Variants in CNNM2 observed in about 807,000 individuals in gnomAD.
CNNM2 encodes metal transporter CNNM2.
Under a neutral mutation model 66.9 loss-of-function variants are expected in CNNM2, and 12 were observed. That is an observed-to-expected ratio of 0.18 (90% CI 0.11 to 0.29). The LOEUF (loss-of-function observed/expected upper bound fraction) is 0.29. Ranked by LOEUF, CNNM2 falls within the 10% of genes least tolerant of loss-of-function variation. CNNM2 has a pLI of 1.00. For synonymous variants in CNNM2, 557 were observed against 501.8 expected, an observed-to-expected ratio of 1.11 and a Z score of -1.47; for missense variants, 705 against 1,167.7, an observed-to-expected ratio of 0.60 and a Z score of 5.77.
At chr10:102,940,723 TTTATTA>T (rs1846402835) in intron 1 of CNNM2, among the ~76,000 whole-genome samples, 2 of 150,502 alleles carry the variant, frequency 1.3e-5, no homozygotes, top group African/African-American at 4.9e-5. Context: ...TGGTCCTTAT[TTTATTA>T]TTATTTTTTT....
At chr10:102,989,813 A>G (rs2063864273) in intron 1 of CNNM2, among the ~76,000 whole-genome samples, 1 of 152,052 alleles carries the variant, frequency 6.6e-6, no homozygotes, top group Admixed American at 6.6e-5. Flanking sequence ...AAAATAAAAT[A>G]CAATTTGGGG....
At chr10:102,976,611 A>ATTTTTTTTTTTTTTTTTTTTTTTTTTT (rs66498944) in intron 1 of CNNM2, among the ~76,000 whole-genome samples, 10 of 59,440 alleles carry the variant, frequency 1.7e-4, no homozygotes, top group Admixed American at 2.1e-4. Flanking sequence ...CGCCCAGGTA[A>ATTTTTTTTTTTTTTTTTTTTTTTTTTT]TTTTTTTTTT....
In CNNM2 at chr10:103,081,234, T is replaced by C. The variant is rs1382987721; in HGVS notation, c.*4054T>C. 6.6e-6 allele frequency: 1 copy of C among 152,070 alleles called. No individual in the cohort carries two copies. Among genetic ancestry groups the C allele is most frequent in the Non-Finnish European group, 1.5e-5 (1 of 68,038 alleles). The allele number at this position is 152,070 out of a possible 1,614,324, so 9.4% of individuals were successfully genotyped here. A position where few individuals can be genotyped will look rare whatever the true frequency, so the allele number is the denominator to read the frequency against. On this transcript the variant is annotated 3_prime_UTR_variant, in exon 8 of 8. Coordinates refer to ENST00000369878, the MANE Select transcript of CNNM2 (RefSeq NM_017649.5). ...GATATGGGCTTTTCTTTGCAAAGGG[T>C]TGAGGAGAAATACAAGACTGAGCTG...
chr10:103,004,810 A>G (rs1350822452), intron 1 of CNNM2, among the ~76,000 whole-genome samples: 4 of 152,172 alleles, frequency 2.6e-5, no homozygotes, highest in African/African-American at 9.6e-5. Flanking sequence ...CTTTTCTTGG[A>G]CCTTTTGTGT....
At chr10:103,057,306 A>AAAAAATTT (rs2065311702) in intron 4 of CNNM2, among the ~76,000 whole-genome samples, 1 of 152,072 alleles carries the variant, frequency 6.6e-6, no homozygotes, top group African/African-American at 2.4e-5. Flanking sequence ...CCATCTCTAC[A>AAAAAATTT]AAAAATTTAA....
chr10:103,013,475 G>C (rs2064384095), intron 1 of CNNM2, among the ~76,000 whole-genome samples: 2 of 152,140 alleles, frequency 1.3e-5, no homozygotes, highest in Non-Finnish European at 2.9e-5. Context: ...CTGCTACCTG[G>C]TGGGTTAAAG....
chr10:102,991,449 G>T (rs188851220), intron 1 of CNNM2, among the ~76,000 whole-genome samples: 1 of 152,056 alleles, frequency 6.6e-6, no homozygotes, highest in Admixed American at 6.6e-5. Flanking sequence ...TTACTTCCTT[G>T]CCCCATTTTA....
rs1163675508 is a variant in CNNM2 at position 103,076,025 on chromosome 10, A to C, written c.2234-61A>C. 2.8e-6 allele frequency: 4 copies of C among 1,430,846 alleles called. No individual in the cohort carries two copies. The African/African-American group carries it at 4.3e-5, about 15-fold the overall frequency. The allele number at this position is 1,430,846 out of a possible 1,614,324, so 88.6% of individuals were successfully genotyped here. ...TTAGTATTTTTTATTTTGGAAAATA[A>C]CTGGTTTTATTGGCTGTATCTACTT... On this transcript the variant is annotated intron_variant, in intron 6 of 7. Transcript: ENST00000369878.
chr10:102,949,309 G>A (rs147373861), intron 1 of CNNM2, among the ~76,000 whole-genome samples: 76 of 152,158 alleles, frequency 5.0e-4, no homozygotes, highest in African/African-American at 1.8e-3. Flanking sequence ...CTGAGGAGCT[G>A]GGATTACAGG....
intron 1 of CNNM2, among the ~76,000 whole-genome samples, chr10:102,967,482 A>G (rs2063482063): frequency 6.6e-6 from 1 of 152,300 alleles, no homozygotes; most frequent in South Asian, 2.1e-4. Flanking sequence ...TTCTGTCTCT[A>G]TAGATTTGAC....
chr10:103,015,591 C>T (rs377601881), intron 1 of CNNM2, among the ~76,000 whole-genome samples: 8 of 151,974 alleles, frequency 5.3e-5, no homozygotes, highest in South Asian at 4.2e-4. Flanking sequence ...CAGTGGCTCA[C>T]GCCTGTAATC....
At chr10:102,980,031 A>C (rs1456119854) in intron 1 of CNNM2, among the ~76,000 whole-genome samples, 4 of 151,602 alleles carry the variant, frequency 2.6e-5, no homozygotes, top group Non-Finnish European at 5.9e-5. Flanking sequence ...CTCCTGCCTC[A>C]ACCTCCCAAG....
chr10:103,028,429 C>T (rs1388249259), intron 1 of CNNM2, among the ~76,000 whole-genome samples: 1 of 152,182 alleles, frequency 6.6e-6, no homozygotes, highest in African/African-American at 2.4e-5. Context: ...TGAAGACATT[C>T]TCAAGCACAA....
At chr10:102,972,552 C>T (rs374153430) in intron 1 of CNNM2, among the ~76,000 whole-genome samples, 2 of 152,120 alleles carry the variant, frequency 1.3e-5, no homozygotes, top group East Asian at 3.9e-4. Flanking sequence ...CAGGAGAAGG[C>T]GTGAACCCGG....
rs1002524596 is a variant in CNNM2 at position 102,918,383 on chromosome 10, T to G, written c.-98T>G. 5.3e-6 allele frequency: 8 copies of G among 1,522,122 alleles called. No individual in the cohort carries two copies. The African/African-American group carries it at 9.9e-5, about 19-fold the overall frequency. 94.3% of individuals were successfully genotyped at this position (1,522,122 alleles called of 1,614,324 possible). On this transcript the variant is annotated 5_prime_UTR_variant, in exon 1 of 8. Transcript: ENST00000369878. The surrounding 1 kb of genome is among the most constrained non-coding windows in gnomAD (Gnocchi z 4.1). ...GTCAGGGAGGCGAACTGCTGAGCAC[T>G]GGCCGCGGACGCTCCGTTGCAGTCT... is the stretch of plus-strand genomic sequence containing the variant.
intron 1 of CNNM2, among the ~76,000 whole-genome samples, chr10:102,926,815 A>C (rs1263389276): frequency 6.7e-6 from 1 of 148,456 alleles, no homozygotes; most frequent in African/African-American, 2.5e-5. Flanking sequence ...TCCTGGGCTC[A>C]TGCCATTCTC....
rs1165976475 is a variant in CNNM2 at position 103,088,859 on chromosome 10, T to C, written c.*11679T>C. 1 of 201,428 alleles carries C rather than the reference T, an allele frequency of 5.0e-6. No individual in the cohort carries two copies. Among genetic ancestry groups the C allele is most frequent in the Non-Finnish European group, 1.0e-5 (1 of 97,874 alleles). 12.5% of individuals were successfully genotyped at this position (201,428 alleles called of 1,614,324 possible). A position where few individuals can be genotyped will look rare whatever the true frequency, so the allele number is the denominator to read the frequency against. On this transcript the variant is annotated 3_prime_UTR_variant, in exon 8 of 8. Transcript: ENST00000369878. The stretch of plus-strand genomic sequence containing the variant: ...TTGGGTAGCATGAGCCACAGCTATA[T>C]AGCCCACACTAATGCATGTTCTGTA...
At chr10:102,983,690 C>T (rs1458213380) in intron 1 of CNNM2, among the ~76,000 whole-genome samples, 1 of 151,944 alleles carries the variant, frequency 6.6e-6, no homozygotes, top group African/African-American at 2.4e-5. Flanking sequence ...CTCCTCCTTC[C>T]TTGTCTTCCC....
rs775748969 is a variant in CNNM2 at position 103,071,826 on chromosome 10, A to G, written c.2220A>G (p.Ala740=). 4.3e-6 allele frequency: 7 copies of G among 1,613,944 alleles called. No homozygotes were observed. In the East Asian group the frequency reaches 1.6e-4, roughly 36 times the overall value. Residue 740 remains alanine (A), a synonymous_variant, in exon 6 of 8, where the codon GCA becomes GCG. Transcript: ENST00000369878. ...TTGTCAGCAGAACAGAGTTGTTAGCAGCAGGTTCTCCAGGTAATTCTGCAT... is the reference window on the plus strand; with the variant it reads ...TTGTCAGCAGAACAGAGTTGTTAGCGGCAGGTTCTCCAGGTAATTCTGCAT... The part of the protein sequence containing the change: ...TFVVSRTELL[A]AGSPGENKSP...
Sources: allele counts gnomAD v4.1 joint callset (sites outside exome capture counted in the v4.1 genomes callset), GRCh38; gene constraint gnomAD v4.1.1; non-coding constraint Gnocchi (gnomAD v3.1); transcripts MANE v1.5; gene names NCBI Gene and HGNC (gene_info 2026-07-23, HGNC 2026-07-21).